The following PUS7 variants were observed in gnomAD, a reference collection of about 807,000 sequenced individuals.
The protein encoded by PUS7 is pseudouridylate synthase 7 homolog.
PUS7 carries 48 observed loss-of-function variants against 79.8 expected under a neutral mutation model. That is an observed-to-expected ratio of 0.60 (90% CI 0.48 to 0.76). PUS7 has a LOEUF of 0.76. Ranked by LOEUF, PUS7 falls within the 30% of genes least tolerant of loss-of-function variation. The probability of loss-of-function intolerance (pLI) is 0.00; values close to 1 mark genes in which losing one functional copy is unlikely to be tolerated. For synonymous variants in PUS7, 286 were observed against 272.2 expected (o/e 1.05, Z -0.50); for missense variants, 729 against 797.6 (o/e 0.91, Z 1.04).
At chr7:105,519,059 C>T (rs567800347) in intron 1 of PUS7, among the ~76,000 whole-genome samples, 4 of 151,998 alleles carry the variant, frequency 2.6e-5, no homozygotes, top group Admixed American at 6.6e-5. Context: ...TGAGCCACCG[C>T]GCCCAGCCTA....
intron 7 of PUS7, 23 bp from the exon 8 acceptor site, chr7:105,482,463 A>T: frequency 6.4e-7 from 1 of 1,559,776 alleles, no homozygotes. Flanking sequence ...AAAAAAAAGC[A>T]ACAAAACAAA....
intron 14 of PUS7, among the ~76,000 whole-genome samples, chr7:105,459,544 T>A (rs1486426860): frequency 6.6e-6 from 1 of 151,652 alleles, no homozygotes; most frequent in Non-Finnish European, 1.5e-5. Flanking sequence ...TTCAATCAAT[T>A]CTCCTGCCTC....
At chr7:105,491,687 A>T in intron 6 of PUS7, 70 bp from the exon 7 acceptor site, 1 of 913,486 alleles carries the variant, frequency 1.1e-6, no homozygotes, top group Admixed American at 2.4e-5. Flanking sequence ...TAATTCTCAT[A>T]ATTTAAGTTT....
Position 105,506,030 on chromosome 7 carries a change from A to C in PUS7, c.510T>G (p.Val170=). 6.2e-7 allele frequency: 1 copy of C among 1,613,884 alleles called. No individual in the cohort carries two copies. Among genetic ancestry groups the C allele is most frequent in the South Asian group, 1.1e-5 (1 of 91,036 alleles). Residue 170 remains valine (V), a synonymous_variant, in exon 4 of 16, where the codon GTT becomes GTG. Transcript: ENST00000469408. ...EEDPSEDIFT[V]LTAEEKQRLE... ...ATCGCTGCTTTTCTTCAGCTGTCAA[A>C]ACTGTAAATATGTCTTCTGAAGGGT...
At chr7:105,462,542 A>G in intron 14 of PUS7, 79 bp downstream of exon 14, 2 of 1,510,478 alleles carry the variant, frequency 1.3e-6, no homozygotes, top group Non-Finnish European at 1.8e-6. Flanking sequence ...TGTGCAGTAC[A>G]TGACTCTATA....
intron 6 of PUS7, among the ~76,000 whole-genome samples, 182 bp downstream of exon 6, chr7:105,494,960 G>GAGTGAGA (rs1437250715): frequency 1.3e-4 from 18 of 142,692 alleles, no homozygotes; most frequent in African/African-American, 4.7e-4. Flanking sequence ...CTGAGTGACA[G>GAGTGAGA]AGTGAGACTG....
intron 1 of PUS7, 47 bp from the exon 2 acceptor site, chr7:105,508,591 T>A (rs527649548): frequency 1.8e-4 from 284 of 1,536,982 alleles, no homozygotes; most frequent in Non-Finnish European, 2.4e-4. Flanking sequence ...TAAAAGCTGG[T>A]TTCAGGCCGG....
At chr7:105,475,403 T>C (rs10259084) in intron 9 of PUS7, among the ~76,000 whole-genome samples, 116,195 of 151,572 alleles carry the variant, frequency 0.77, 45,140 homozygotes, top group Non-Finnish European at 0.83. Context: ...GCCAGGATGG[T>C]CTCGATCTCC....
intron 1 of PUS7, among the ~76,000 whole-genome samples, chr7:105,516,144 C>T (rs183398923): frequency 4.1e-4 from 63 of 151,808 alleles, no homozygotes; most frequent in Admixed American, 4.1e-3. Flanking sequence ...CAGGTTTTAC[C>T]AGGTTGGCCA....
At chr7:105,514,799 T>G (rs1265327155) in intron 1 of PUS7, among the ~76,000 whole-genome samples, 1 of 151,682 alleles carries the variant, frequency 6.6e-6, no homozygotes, top group Admixed American at 6.6e-5. Flanking sequence ...CTCTCTCATT[T>G]TTTTTTTTTT....
At chr7:105,501,727 G>A (rs1199496300) in intron 5 of PUS7, among the ~76,000 whole-genome samples, 6 of 151,880 alleles carry the variant, frequency 4.0e-5, no homozygotes, top group East Asian at 3.9e-4. Flanking sequence ...AGGCCGAGAC[G>A]GGTGGATCAC....
chr7:105,499,094 GT>G (rs1457335990), intron 5 of PUS7, among the ~76,000 whole-genome samples: 1 of 152,172 alleles, frequency 6.6e-6, no homozygotes, highest in African/African-American at 2.4e-5. Context: ...ATGTAAACTG[GT>G]TTCCAACCTC....
chr7:105,476,589 C>T (rs1723794412), intron 9 of PUS7, among the ~76,000 whole-genome samples: 1 of 152,042 alleles, frequency 6.6e-6, no homozygotes, highest in African/African-American at 2.4e-5. Flanking sequence ...ATCTCTTGAC[C>T]TCGTGATCTA....
chr7:105,492,387 C>A (rs1216123325), intron 6 of PUS7, among the ~76,000 whole-genome samples: 3 of 151,442 alleles, frequency 2.0e-5, no homozygotes, highest in African/African-American at 7.3e-5. Flanking sequence ...TGCAGCGGCA[C>A]AATCTTGGCT....
intron 1 of PUS7, among the ~76,000 whole-genome samples, chr7:105,517,415 C>T (rs1236693504): frequency 6.6e-6 from 1 of 152,182 alleles, no homozygotes; most frequent in African/African-American, 2.4e-5. Context: ...CCTGCCTCGG[C>T]CTCCCAAAGT....
intron 9 of PUS7, among the ~76,000 whole-genome samples, chr7:105,476,863 T>C (rs1430396002): frequency 6.6e-6 from 1 of 152,236 alleles, no homozygotes; most frequent in Non-Finnish European, 1.5e-5. Flanking sequence ...ACTAGTGATG[T>C]TGAACACCAG....
intron 1 of PUS7, among the ~76,000 whole-genome samples, chr7:105,513,814 G>C (rs1344365675): frequency 1.4e-5 from 2 of 143,424 alleles, no homozygotes; most frequent in African/African-American, 5.1e-5. Flanking sequence ...CTCCAGCCTG[G>C]GTGACAGAGC....
In PUS7 at chr7:105,460,032, G is replaced by A. The variant is rs542065777; in HGVS notation, c.1758-773C>T. 9.2e-5 allele frequency among the ~76,000 whole-genome samples: 14 copies of A among 152,178 alleles called. No homozygotes were observed. The East Asian group carries it at 2.7e-3, about 29-fold the overall frequency. Reference sequence around the variant, plus strand: ...TGGCTCACTGCAAGCTCCGCCTCCCGGGTTCACACCATTCTCCTGCCTCAG... The same window carrying A: ...TGGCTCACTGCAAGCTCCGCCTCCCAGGTTCACACCATTCTCCTGCCTCAG... On this transcript the variant is annotated intron_variant, in intron 14 of 15. Coordinates refer to ENST00000469408, the MANE Select transcript of PUS7 (RefSeq NM_019042.5).
intron 1 of PUS7, among the ~76,000 whole-genome samples, chr7:105,518,959 G>A (rs1825999608): frequency 6.6e-6 from 1 of 151,776 alleles, no homozygotes; most frequent in Admixed American, 6.6e-5. Flanking sequence ...TAATAGAGAT[G>A]GGCTTTCACC....
Sources: gnomAD v4.1 joint callset for allele counts (sites outside exome capture counted in the v4.1 genomes callset) on GRCh38, gnomAD v4.1.1 for gene constraint, MANE v1.5 for transcripts, NCBI Gene and HGNC (gene_info 2026-07-23, HGNC 2026-07-21) for gene names.